The following EYA1 variants were observed in gnomAD, a reference collection of about 807,000 sequenced individuals.
EYA1 encodes the protein protein phosphatase EYA1.
A neutral mutation model predicts 82.0 loss-of-function variants in EYA1; 16 were observed. The observed-to-expected ratio is 0.20, with a 90% confidence interval of 0.13 to 0.30. The LOEUF is 0.30. Among genes scored for constraint, EYA1 ranks in the 10% least tolerant of loss-of-function variants. EYA1 has a pLI of 1.00. For missense variants in EYA1, 633 were observed against 730.7 expected, an observed-to-expected ratio of 0.87 and a Z score of 1.54; for synonymous variants, 261 against 264.4, an observed-to-expected ratio of 0.99 and a Z score of 0.12.
At chr8:71,357,621 T>C (rs2129073525) in intron 1 of EYA1, among the ~76,000 whole-genome samples, 1 of 152,336 alleles carries the variant, frequency 6.6e-6, no homozygotes, top group South Asian at 2.1e-4. Context: ...CGAATGGCAT[T>C]ACAGTTATCC....
rs1001206064 is a variant in EYA1 at position 71,199,185 on chromosome 8, T to C, written c.*155A>G. 1 of 688,916 alleles carries C rather than the reference T, an allele frequency of 1.5e-6. No individual in the cohort carries two copies. The highest frequency in any genetic ancestry group is 1.8e-5 in the African/African-American group (1 of 56,980). 42.7% of individuals were successfully genotyped at this position (688,916 alleles called of 1,614,324 possible). On this transcript the variant is annotated 3_prime_UTR_variant, in exon 18 of 18. Transcript: ENST00000340726. ...CTGATGAAATAGACGTGGTCCTCCA[T>C]TCACCACAAAGGCAGAGGTCAAGAC...
At chr8:71,306,106 G>T (rs904245324) in intron 7 of EYA1, among the ~76,000 whole-genome samples, 6 of 152,174 alleles carry the variant, frequency 3.9e-5, no homozygotes, top group African/African-American at 1.2e-4. Context: ...ACTCACTTGG[G>T]TGCCACAGCC....
chr8:71,461,527 G>C (rs1016308548), intron 2 of EYA1, among the ~76,000 whole-genome samples: 6 of 152,186 alleles, frequency 3.9e-5, no homozygotes, highest in African/African-American at 1.2e-4. Flanking sequence ...TCACAGCCCT[G>C]GCTTGAGGAG....
intron 2 of EYA1, among the ~76,000 whole-genome samples, chr8:71,524,739 C>T (rs1381855986): frequency 2.0e-5 from 3 of 152,002 alleles, no homozygotes; most frequent in African/African-American, 7.3e-5. Context: ...TGAATGTCAC[C>T]CATTGCAATA....
At chr8:71,433,751 G>A (rs1477288532) in intron 2 of EYA1, among the ~76,000 whole-genome samples, 1 of 152,164 alleles carries the variant, frequency 6.6e-6, no homozygotes, top group African/African-American at 2.4e-5. Flanking sequence ...AGAGGAGGAG[G>A]TGACTGCTGA....
At chr8:71,216,602 T>G in intron 14 of EYA1, 90 bp downstream of exon 14, 1 of 1,327,880 alleles carries the variant, frequency 7.5e-7, no homozygotes, top group Non-Finnish European at 1.1e-6. Flanking sequence ...GCTATTATAT[T>G]CAAAGCAGTG....
At chr8:71,403,556 T>C (rs1830064712) in intron 2 of EYA1, 2 of 152,184 alleles carry the variant, frequency 1.3e-5, no homozygotes, top group Non-Finnish European at 2.9e-5. Flanking sequence ...GGCGAGTATA[T>C]AAGGACTTTC....
rs758429397 is a variant in EYA1 at position 71,271,746 on chromosome 8, G to A, written c.966+12C>T. ...CACCTTTCTATTCACTTGGGTGTTG[G>A]CTATGACGTACCTCAAGATCAGAAT... is the stretch of plus-strand genomic sequence containing the variant. On this transcript the variant is annotated intron_variant, in intron 10 of 17. Coordinates refer to ENST00000340726, the MANE Select transcript of EYA1 (RefSeq NM_000503.6). 63 of 1,614,150 alleles carry A rather than the reference G, an allele frequency of 3.9e-5. No individual in the cohort carries two copies. The highest frequency in any genetic ancestry group is 5.3e-5 in the Non-Finnish European group (62 of 1,180,012).
chr8:71,303,988 C>T (rs1385778187), intron 7 of EYA1, among the ~76,000 whole-genome samples: 1 of 142,034 alleles, frequency 7.0e-6, no homozygotes, highest in African/African-American at 2.5e-5. Context: ...TCCTCTTGCT[C>T]GATTCTATAT....
At chr8:71,469,813 A>G (rs968144435) in intron 2 of EYA1, among the ~76,000 whole-genome samples, 16 of 152,110 alleles carry the variant, frequency 1.1e-4, no homozygotes, top group African/African-American at 3.1e-4. Flanking sequence ...TAGATACATG[A>G]TCTTGGCTGG....
At chr8:71,511,922 C>A (rs1248089166) in intron 2 of EYA1, among the ~76,000 whole-genome samples, 1 of 152,164 alleles carries the variant, frequency 6.6e-6, no homozygotes, top group Admixed American at 6.6e-5. Context: ...TGTCCCAGAC[C>A]TGGTTCATTA....
At chr8:71,351,370 C>A (rs1826289763) in intron 3 of EYA1, among the ~76,000 whole-genome samples, 1 of 152,156 alleles carries the variant, frequency 6.6e-6, no homozygotes, top group African/African-American at 2.4e-5. Context: ...CAGTGCTTTC[C>A]TCATTGCAAG....
chr8:71,457,453 C>T (rs760827083), intron 2 of EYA1, among the ~76,000 whole-genome samples: 5 of 152,126 alleles, frequency 3.3e-5, no homozygotes, highest in Admixed American at 6.5e-5. Flanking sequence ...TATAAAGACA[C>T]GTGCGCACGT....
At chr8:71,544,825 G>C (rs1296026041) in intron 1 of EYA1, among the ~76,000 whole-genome samples, 1 of 152,160 alleles carries the variant, frequency 6.6e-6, no homozygotes, top group Non-Finnish European at 1.5e-5. Flanking sequence ...TCGTAATTCT[G>C]CTGTTCTATA....
At chr8:71,492,473 T>A (rs908955076) in intron 2 of EYA1, among the ~76,000 whole-genome samples, 14 of 150,804 alleles carry the variant, frequency 9.3e-5, no homozygotes, top group African/African-American at 2.4e-4. Flanking sequence ...TTATTATTTT[T>A]TTTTTTTTTG....
chr8:71,381,726 T>A (rs1231506000), intron 2 of EYA1, among the ~76,000 whole-genome samples: 1 of 152,212 alleles, frequency 6.6e-6, no homozygotes, highest in Non-Finnish European at 1.5e-5. Context: ...AATCTTCCCC[T>A]CTTTCTTGTC....
rs1305721914 is a variant in EYA1, at chr8:71,271,819, T to C, written c.905A>G (p.Lys302Arg). Residue 302 changes from lysine to arginine, a missense_variant, in exon 10 of 18, where the codon AAA becomes AGA. Lys to Arg is a conservative substitution (Grantham distance 26). Transcript: ENST00000340726. ...SDRLRRGSDG[K>R]SRGRGRRNNN... ...GTTTCTTCGGCCCCGTCCACGTGAT[T>C]TCCCATCTGAACCTCGACGCAATCG... The C allele has an allele frequency of 9.9e-6, 16 of 1,614,078 alleles. No individual in the cohort carries two copies. Among genetic ancestry groups the C allele is most frequent in the African/African-American group, 2.7e-5 (2 of 74,924 alleles).
chr8:71,226,148 G>T (rs1810526876), intron 12 of EYA1, among the ~76,000 whole-genome samples: 1 of 152,068 alleles, frequency 6.6e-6, no homozygotes, highest in African/African-American at 2.4e-5. Flanking sequence ...AGATCACTAA[G>T]TAAAGGCTTC....
chr8:71,433,399 T>G (rs908543553), intron 2 of EYA1, among the ~76,000 whole-genome samples: 4 of 152,182 alleles, frequency 2.6e-5, no homozygotes, highest in African/African-American at 9.7e-5. Context: ...TGATTTTAAA[T>G]TAAACAGACA....
Sources: allele counts gnomAD v4.1 joint callset (sites outside exome capture counted in the v4.1 genomes callset), GRCh38; gene constraint gnomAD v4.1.1; transcripts MANE v1.5; gene names NCBI Gene and HGNC (gene_info 2026-07-23, HGNC 2026-07-21).